The following SIGLEC1 variants were observed in gnomAD, a reference collection of about 807,000 sequenced individuals.
SIGLEC1 encodes the protein sialic acid binding Ig like lectin 1.
A neutral mutation model predicts 148.0 loss-of-function variants in SIGLEC1; 132 were observed. That is an observed-to-expected ratio of 0.89 (90% confidence interval 0.77 to 1.03). The LOEUF is 1.03. SIGLEC1 is among the 50% of genes least tolerant of loss of function. SIGLEC1 has a pLI of 0.00. For missense variants in SIGLEC1, 2,253 were observed against 2,271.4 expected, an observed-to-expected ratio of 0.99 and a Z score of 0.16; for synonymous variants, 945 against 969.0, an observed-to-expected ratio of 0.98 and a Z score of 0.46.
intron 19 of SIGLEC1, 125 bp downstream of exon 19, chr20:3,689,837 C>G (rs2088737613): frequency 8.5e-7 from 1 of 1,169,662 alleles, no homozygotes; most frequent in Admixed American, 2.1e-5. Flanking sequence ...GTGCCCCGAG[C>G]AATCAGTTTA....
In SIGLEC1 at chr20:3,692,626, G is replaced by T. The variant is rs1168157142; in HGVS notation, c.3925C>A (p.Leu1309Ile). 1 of 1,613,032 alleles carries T rather than the reference G, an allele frequency of 6.2e-7. No homozygotes were observed. The highest frequency in any genetic ancestry group is 1.3e-5 in the African/African-American group (1 of 75,070). ...GCCCGCGTGGCCACCAGGAATGAGA[G>T]TGAGGCAGCTGGACCCTCCTGCAGC... is the stretch of plus-strand genomic sequence containing the variant. ...RWLQEGPAAS[L>I]SFLVATRAHA... The change falls in exon 16 of 22, where the codon CTC becomes ATC. Residue 1309 changes from leucine to isoleucine, a missense_variant. Leu to Ile is a conservative substitution (Grantham distance 5). Transcript: ENST00000344754.
chr20:3,706,295 A>G (rs1428841479), intron 3 of SIGLEC1, 52 bp downstream of exon 3: 30 of 1,562,100 alleles, frequency 1.9e-5, no homozygotes, highest in Non-Finnish European at 2.5e-5. Context: ...AGGGGTCCAG[A>G]AGCAGCTTGG....
In SIGLEC1 at chr20:3,698,141, G is replaced by A. The variant is rs1471710341; in HGVS notation, c.1787-8C>T. 6.3e-7 allele frequency: 1 copy of A among 1,576,002 alleles called. No homozygotes were observed. Among genetic ancestry groups the A allele is most frequent in the Non-Finnish European group, 8.6e-7 (1 of 1,164,878 alleles). On this transcript the variant is annotated splice_region_variant and splice_polypyrimidine_tract_variant and intron_variant, in intron 8 of 21. Coordinates refer to ENST00000344754, the MANE Select transcript of SIGLEC1 (RefSeq NM_023068.4). ...TTGGTTGTCGAGGGGGGTCTGCAGG[G>A]AGGAAGAACATGGGCACTCATCCCA...
In SIGLEC1 at chr20:3,701,469, A is replaced by G. The variant is rs768055961; in HGVS notation, c.1401T>C (p.Gly467=). The change falls in exon 7 of 22, where the codon GGT becomes GGC. Residue 467 remains glycine (G), a synonymous_variant. Coordinates refer to ENST00000344754, the MANE Select transcript of SIGLEC1 (RefSeq NM_023068.4). ...GGCGCAGGGAGTTGGGACCAGAGGTACCACTGAAGCGTGGGCTGTGATCAC... is the reference window on the plus strand; with the variant it reads ...GGCGCAGGGAGTTGGGACCAGAGGTGCCACTGAAGCGTGGGCTGTGATCAC... ...GDSDHSPRFS[G]TSGPNSLRLE... is the part of the protein sequence containing the mutation. 10 of 1,614,064 alleles carry G rather than the reference A, an allele frequency of 6.2e-6. No individual in the cohort carries two copies. The South Asian group carries it at 1.1e-4, about 18-fold the overall frequency.
At chr20:3,711,234 CAAGTCTTGGG>C (rs1279857854) in intron 1 of SIGLEC1, among the ~76,000 whole-genome samples, 3 of 152,202 alleles carry the variant, frequency 2.0e-5, no homozygotes, top group Non-Finnish European at 2.9e-5. Flanking sequence ...CTTGGGTCTC[CAAGTCTTGGG>C]TGCTCTGAAG....
intron 13 of SIGLEC1, among the ~76,000 whole-genome samples, chr20:3,693,930 T>A (rs2088793135): frequency 6.6e-6 from 1 of 152,126 alleles, no homozygotes; most frequent in African/African-American, 2.4e-5. Flanking sequence ...CCTGAGCCCC[T>A]CCCTGACCCT....
In SIGLEC1 at chr20:3,706,418, T is replaced by G. The variant is rs368691795; in HGVS notation, c.338A>C (p.Tyr113Ser). 4 of 1,614,160 alleles carry G rather than the reference T, an allele frequency of 2.5e-6. No homozygotes were observed. Among genetic ancestry groups the G allele is most frequent in the Non-Finnish European group, 3.4e-6 (4 of 1,180,008 alleles). ...KDLQPEDSGS[Y>S]NFRFEISEVN... Reference sequence around the variant, plus strand: ...CTCACTGATCTCGAAGCGGAAGTTGTAGGAACCAGAGTCCTCGGGCTGCAG... The same window carrying G: ...CTCACTGATCTCGAAGCGGAAGTTGGAGGAACCAGAGTCCTCGGGCTGCAG... The change falls in exon 3 of 22, where the codon TAC (tyrosine) becomes TCC (serine). Residue 113 changes from tyrosine to serine, a missense_variant. Tyr to Ser is a moderately radical substitution (Grantham distance 144). Coordinates refer to ENST00000344754, the MANE Select transcript of SIGLEC1 (RefSeq NM_023068.4).
In SIGLEC1 at chr20:3,691,959, CA is replaced by C. The variant is rs2088768696; in HGVS notation, c.4273del (p.Cys1425AlafsTer18). ...TGAGCCCAGCAAGTTTTGGGCTGTG[CA>C]AACATAGGTGTCATCACCTGCAGGC... ...DVPAGDDTYVCTAQNLLGSIS... is the reference protein window; with the variant it reads ...DVPAGDDTYVXTAQNLLGSIS... On this transcript the variant is annotated frameshift_variant, in exon 17 of 22. Coordinates refer to ENST00000344754, the MANE Select transcript of SIGLEC1 (RefSeq NM_023068.4). LOFTEE classifies it high-confidence loss of function. 1 of 1,607,866 alleles carries C rather than the reference CA, an allele frequency of 6.2e-7. No individual in the cohort carries two copies. The highest frequency in any genetic ancestry group is 1.7e-5 in the Admixed American group (1 of 59,770).
chr20:3,697,351 C>T lies in SIGLEC1; in HGVS notation c.2123-9G>A, dbSNP rs754069752. 2 of 1,612,582 alleles carry T rather than the reference C, an allele frequency of 1.2e-6. No homozygotes were observed. Among genetic ancestry groups the T allele is most frequent in the South Asian group, 2.2e-5 (2 of 91,070 alleles). ...AATGGCCAGGACAGTGGCTGGAGAG[C>T]AGGCGGCACAGCTTACTGACCACCC... On this transcript the variant is annotated splice_polypyrimidine_tract_variant and intron_variant, in intron 9 of 21. Transcript: ENST00000344754.
intron 1 of SIGLEC1, among the ~76,000 whole-genome samples, chr20:3,708,030 G>T (rs554406684): frequency 2.0e-5 from 3 of 152,342 alleles, no homozygotes; most frequent in Non-Finnish European, 2.9e-5. Context: ...TAGAACTGAA[G>T]ATATGTGCCC....
At chr20:3,701,193 G>T in intron 7 of SIGLEC1, 149 bp downstream of exon 7, 1 of 673,256 alleles carries the variant, frequency 1.5e-6, no homozygotes, top group Non-Finnish European at 2.5e-6. Context: ...CTCTGCCGTT[G>T]GGTCACTGCA....
Position 3,694,667 on chromosome 20 carries a change from C to A in SIGLEC1, c.2940G>T (p.Val980=). ...GGATGGGACAAAAGTCCTTACAGGA[C>A]ACGTGGAGGCTGATGGGTGCAGCTA... ...TSLAAPISLH[V]SYAPRHVTLT... The change falls in exon 12 of 22, where the codon GTG becomes GTT. Residue 980 remains valine (V), a synonymous_variant. Transcript: ENST00000344754. The A allele has an allele frequency of 6.2e-7, 1 of 1,611,476 alleles. No homozygotes were observed. The highest frequency in any genetic ancestry group is 8.5e-7 in the Non-Finnish European group (1 of 1,178,540).
rs777350682 is a variant in SIGLEC1 at position 3,697,306 on chromosome 20, T to C, written c.2159A>G (p.Gln720Arg). Residue 720 changes from glutamine (Q) to arginine (R), a missense_variant, in exon 10 of 22, where the codon CAG becomes CGG. Physicochemically the swap from Gln to Arg is conservative, Grantham distance 43. Coordinates refer to ENST00000344754, the MANE Select transcript of SIGLEC1 (RefSeq NM_023068.4). ...AGTCAAGTTGGCTTCTGTGCCCTCC[T>C]GAAGTGTGTGTGATGGTGCAATGGC... ...VLAIAPSHTLQEGTEANLTCN... is the reference protein window; with the variant it reads ...VLAIAPSHTLREGTEANLTCN... The C allele has an allele frequency of 4.3e-6, 7 of 1,613,700 alleles. No homozygotes were observed. The highest frequency in any genetic ancestry group is 5.9e-6 in the Non-Finnish European group (7 of 1,180,002).
intron 20 of SIGLEC1, 66 bp downstream of exon 20, chr20:3,689,534 T>G (rs1188278617): frequency 8.8e-7 from 1 of 1,135,368 alleles, no homozygotes; most frequent in Non-Finnish European, 1.3e-6. Flanking sequence ...CTGGGGGAAT[T>G]TGGGGAGAAG....
At chr20:3,694,168 T>C (rs2088795495) in intron 13 of SIGLEC1, 53 bp downstream of exon 13, 1 of 1,442,544 alleles carries the variant, frequency 6.9e-7, no homozygotes, top group Non-Finnish European at 9.3e-7. Context: ...CTCTCCTCTT[T>C]TAAAGGACAC....
chr20:3,701,764 C>T (rs1014121352), intron 6 of SIGLEC1, 123 bp from the exon 7 acceptor site: 1 of 937,450 alleles, frequency 1.1e-6, no homozygotes, highest in African/African-American at 1.7e-5. Context: ...GGGGTGATCC[C>T]AAAGTGCCTG....
At chr20:3,695,069 A>T (rs2088809803) in intron 11 of SIGLEC1, 146 bp from the exon 12 acceptor site, 2 of 794,394 alleles carry the variant, frequency 2.5e-6, no homozygotes, top group African/African-American at 1.7e-5. Context: ...GGGCCCACTC[A>T]GCCCTATGCC....
Position 3,692,642 on chromosome 20 carries a change from C to T in SIGLEC1, c.3909G>A (p.Glu1303=), listed in dbSNP as rs746408265. The T allele has an allele frequency of 5.6e-6, 9 of 1,612,992 alleles. No homozygotes were observed. Among genetic ancestry groups the T allele is most frequent in the Middle Eastern group, 1.6e-4 (1 of 6,084 alleles). The part of the protein sequence containing the change: ...TWYHNGRWLQ[E]GPAASLSFLV... ...GGAATGAGAGTGAGGCAGCTGGACC[C>T]TCCTGCAGCCAACGACCGTTGTGGT... The change falls in exon 16 of 22, where the codon GAG becomes GAA. Residue 1303 remains glutamate, a synonymous_variant. Transcript: ENST00000344754.
At chr20:3,688,725 A>G in intron 21 of SIGLEC1, 106 bp from the exon 22 acceptor site, 1 of 847,202 alleles carries the variant, frequency 1.2e-6, no homozygotes, top group Non-Finnish European at 1.8e-6. Context: ...GGGAGTGTGC[A>G]TGGCTGGAAG....
Sources: allele counts gnomAD v4.1 joint callset (sites outside exome capture counted in the v4.1 genomes callset), GRCh38; gene constraint gnomAD v4.1.1; transcripts MANE v1.5; gene names NCBI Gene and HGNC (gene_info 2026-07-23, HGNC 2026-07-21).